The following TPH2 variants were observed in gnomAD, a reference collection of about 807,000 sequenced individuals.
TPH2 encodes tryptophan 5-hydroxylase 2.
Under a neutral mutation model 59.1 loss-of-function variants are expected in TPH2, and 27 were observed. The ratio of observed to expected loss-of-function variants is 0.46; its 90% CI spans 0.34 to 0.63. The LOEUF (loss-of-function observed/expected upper bound fraction) is 0.63, where lower values mean the gene tolerates loss of function less well. Ranked by LOEUF, TPH2 falls within the 30% of genes least tolerant of loss-of-function variation. TPH2 has a pLI of 0.01. For missense variants in TPH2, 523 were observed against 588.3 expected, an observed-to-expected ratio of 0.89 and a Z score of 1.15; for synonymous variants, 220 against 210.5, an observed-to-expected ratio of 1.05 and a Z score of -0.39.
intron 8 of TPH2, among the ~76,000 whole-genome samples, chr12:72,019,622 A>G (rs1433595043): frequency 6.6e-6 from 1 of 152,192 alleles, no homozygotes; most frequent in Non-Finnish European, 1.5e-5. Context: ...TTTGTTATAC[A>G]TAGAATGTAT....
chr12:71,949,869 AG>A (rs1736293930), intron 5 of TPH2, among the ~76,000 whole-genome samples: 1 of 151,984 alleles, frequency 6.6e-6, no homozygotes. Flanking sequence ...CCACATGCCA[AG>A]TGCTACGTTT....
At chr12:72,023,492 T>C (rs1029074871) in intron 9 of TPH2, among the ~76,000 whole-genome samples, 5 of 152,130 alleles carry the variant, frequency 3.3e-5, no homozygotes, top group African/African-American at 1.2e-4. Context: ...TGCCAGGTAC[T>C]ATGGCAGTCA....
At position 71,961,908 on chromosome 12, in the gene TPH2, T is replaced by C. The variant is rs1250849897; in HGVS notation, c.609-10611T>C. ...GTCTCTTGTAAAGGCAGCACCAATA[T>C]TAACAACGCGAACAAAACAAACTAA... On this transcript the variant is annotated intron_variant, in intron 5 of 10. Coordinates refer to ENST00000333850, the MANE Select transcript of TPH2 (RefSeq NM_173353.4). 3 of 1,076,450 alleles carry C rather than the reference T, an allele frequency of 2.8e-6. No individual in the cohort carries two copies. In the African/African-American group the frequency reaches 5.0e-5, roughly 18 times the overall value. 66.7% of individuals were successfully genotyped at this position (1,076,450 alleles called of 1,614,324 possible). A position where few individuals can be genotyped will look rare whatever the true frequency, so the allele number is the denominator to read the frequency against.
chr12:71,979,745 A>C (rs1232884587), intron 7 of TPH2, among the ~76,000 whole-genome samples: 2 of 152,220 alleles, frequency 1.3e-5, no homozygotes, highest in Non-Finnish European at 2.9e-5. Context: ...AGCAGGAGTA[A>C]GCTGGGAACA....
chr12:71,970,349 G>A (rs959538628), intron 5 of TPH2, among the ~76,000 whole-genome samples: 1 of 152,180 alleles, frequency 6.6e-6, no homozygotes, highest in Non-Finnish European at 1.5e-5. Flanking sequence ...CCAAGACTGC[G>A]AGGCTGGAAG....
At chr12:71,947,824 G>A (rs929568525) in intron 4 of TPH2, among the ~76,000 whole-genome samples, 3 of 152,118 alleles carry the variant, frequency 2.0e-5, no homozygotes, top group South Asian at 2.1e-4. Flanking sequence ...GCTCTCTTGC[G>A]TCCTTGGAAA....
intron 8 of TPH2, among the ~76,000 whole-genome samples, chr12:72,000,655 A>G (rs1334804231): frequency 6.6e-6 from 1 of 152,190 alleles, no homozygotes; most frequent in African/African-American, 2.4e-5. Flanking sequence ...CCTTATTTCC[A>G]TATTTTGCCT....
At chr12:71,945,247 A>G (rs1226680487) in intron 4 of TPH2, among the ~76,000 whole-genome samples, 3 of 152,170 alleles carry the variant, frequency 2.0e-5, no homozygotes, top group African/African-American at 7.2e-5. Context: ...CTCTACTCCA[A>G]TAAAAATGAC....
intron 4 of TPH2, among the ~76,000 whole-genome samples, chr12:71,948,944 C>A (rs1171638783): frequency 6.6e-6 from 1 of 152,258 alleles, no homozygotes; most frequent in South Asian, 2.1e-4. Context: ...TCCCAAGTGG[C>A]TGATGATGGA....
At chr12:72,008,687 T>G (rs544780523) in intron 8 of TPH2, among the ~76,000 whole-genome samples, 1 of 152,288 alleles carries the variant, frequency 6.6e-6, no homozygotes, top group Non-Finnish European at 1.5e-5. Flanking sequence ...ATGTTGTGTG[T>G]AAGACCATAA....
chr12:71,941,541 CCTAA>C (rs1479869033), intron 1 of TPH2, 39 bp from the exon 2 acceptor site: 2 of 1,597,642 alleles, frequency 1.3e-6, no homozygotes, highest in Non-Finnish European at 1.7e-6. Flanking sequence ...ATTCTGGAAC[CCTAA>C]CTAATATTTT....
chr12:71,968,846 G>A (rs1871889583), intron 5 of TPH2, among the ~76,000 whole-genome samples: 1 of 152,226 alleles, frequency 6.6e-6, no homozygotes, highest in African/African-American at 2.4e-5. Flanking sequence ...AGCCCTGTAA[G>A]GAGATGGTTG....
intron 7 of TPH2, among the ~76,000 whole-genome samples, chr12:71,992,894 CTA>C (rs1008477684): frequency 2.6e-5 from 4 of 152,178 alleles, no homozygotes; most frequent in Admixed American, 2.6e-4. Context: ...TTAAATGCCC[CTA>C]TACCCTAAAA....
chr12:72,001,032 T>G (rs915732945), intron 8 of TPH2, among the ~76,000 whole-genome samples: 2 of 152,236 alleles, frequency 1.3e-5, no homozygotes, highest in African/African-American at 4.8e-5. Context: ...TATTCATTTC[T>G]CATATCATAA....
chr12:71,977,135 T>C (rs963154551), intron 6 of TPH2, among the ~76,000 whole-genome samples: 10 of 152,186 alleles, frequency 6.6e-5, no homozygotes, highest in African/African-American at 2.4e-4. Flanking sequence ...CACTGCAACC[T>C]CCACCTCCTA....
intron 2 of TPH2, among the ~76,000 whole-genome samples, chr12:71,943,147 A>G (rs907126339): frequency 1.3e-5 from 2 of 152,206 alleles, no homozygotes; most frequent in African/African-American, 4.8e-5. Flanking sequence ...AACTGAAAAA[A>G]CATGCATGAT....
intron 7 of TPH2, among the ~76,000 whole-genome samples, chr12:71,984,911 C>A (rs1023927791): frequency 2.6e-5 from 4 of 152,106 alleles, no homozygotes; most frequent in Non-Finnish European, 5.9e-5. Context: ...GTTAGAGGCC[C>A]CAAGACCTGA....
intron 6 of TPH2, among the ~76,000 whole-genome samples, chr12:71,978,743 T>A (rs1872189685): frequency 6.6e-6 from 1 of 152,328 alleles, no homozygotes; most frequent in Non-Finnish European, 1.5e-5. Flanking sequence ...TGTTTTGTTC[T>A]CCTGGAAACC....
chr12:72,024,614 T>C (rs1873518894), intron 9 of TPH2, among the ~76,000 whole-genome samples: 1 of 152,196 alleles, frequency 6.6e-6, no homozygotes, highest in Non-Finnish European at 1.5e-5. Context: ...TCTTGAGCTG[T>C]GTCTATTTAC....
Sources: gnomAD v4.1 joint callset for allele counts (sites outside exome capture counted in the v4.1 genomes callset) on GRCh38, gnomAD v4.1.1 for gene constraint, MANE v1.5 for transcripts, NCBI Gene and HGNC (gene_info 2026-07-23, HGNC 2026-07-21) for gene names.